The following NRXN2 variants were observed in gnomAD, a reference collection of about 807,000 sequenced individuals.
NRXN2 encodes neurexin-2-beta.
A neutral mutation model predicts 128.8 loss-of-function variants in NRXN2; 29 were observed. That is an observed-to-expected ratio of 0.23 (90% CI 0.17 to 0.31). NRXN2 has a LOEUF of 0.31. Among genes scored for constraint, NRXN2 ranks in the 10% least tolerant of loss-of-function variants. The pLI, the probability that NRXN2 is intolerant of heterozygous loss-of-function variation, is 1.00. For missense variants in NRXN2, 1,881 were observed against 2,452.6 expected (o/e 0.77, Z 4.92); for synonymous variants, 1,098 against 1,075.2 (o/e 1.02, Z -0.41).
intron 4 of NRXN2, among the ~76,000 whole-genome samples, chr11:64,692,264 G>A (rs1405030345): frequency 6.6e-6 from 1 of 152,172 alleles, no homozygotes; most frequent in African/African-American, 2.4e-5. Context: ...GCGTGCGGGT[G>A]GGCAGGGGGT....
At chr11:64,694,452 GC>G (rs2054228558) in intron 3 of NRXN2, among the ~76,000 whole-genome samples, 1 of 152,234 alleles carries the variant, frequency 6.6e-6, no homozygotes. Flanking sequence ...ATGGCCAGGG[GC>G]CAAAGGCCTG....
At chr11:64,676,735 G>C (rs753917692) in intron 7 of NRXN2, 2 of 572,104 alleles carry the variant, frequency 3.5e-6, no homozygotes, top group Non-Finnish European at 6.2e-6. Flanking sequence ...CAGGAGTTAG[G>C]GATTACAGCA....
At chr11:64,704,623 CAGAGAGAGAGAGAGAG>C (rs61394963) in intron 2 of NRXN2, among the ~76,000 whole-genome samples, 106 of 81,182 alleles carry the variant, frequency 1.3e-3, no homozygotes, top group East Asian at 3.9e-3. Flanking sequence ...CACACACACA[CAGAGAGAGAGAGAGAG>C]AGAGAGAGAG....
chr11:64,694,279 C>G (rs1422606139), intron 3 of NRXN2, among the ~76,000 whole-genome samples: 2 of 152,216 alleles, frequency 1.3e-5, no homozygotes, highest in Admixed American at 1.3e-4. Flanking sequence ...CCCTTGGAAA[C>G]CAGCCCCACT....
chr11:64,706,216 C>T (rs1381444853), intron 2 of NRXN2, among the ~76,000 whole-genome samples: 3 of 80,130 alleles, frequency 3.7e-5, no homozygotes, highest in Non-Finnish European at 7.3e-5. Flanking sequence ...TACATGTGCA[C>T]AATGTGCAGG....
intron 6 of NRXN2, among the ~76,000 whole-genome samples, chr11:64,683,607 G>A (rs1268826185): frequency 2.8e-5 from 4 of 144,738 alleles, no homozygotes; most frequent in African/African-American, 7.9e-5. Flanking sequence ...GCAACAGAGT[G>A]AGACTCCATC....
Position 64,685,754 on chromosome 11 carries a change from C to T in NRXN2, c.1044G>A (p.Leu348=). ...NLSLKSGAVW[L]VINLGSGAFE... ...AGGCACCTGAGCCTAGGTTGATGAC[C>T]AGCCAGACAGCCCCAGACTTGAGGG... The change falls in exon 6 of 23, where the codon CTG becomes CTA. Residue 348 remains leucine (L), a synonymous_variant. Coordinates refer to ENST00000265459, the MANE Select transcript of NRXN2 (RefSeq NM_015080.4). 2.5e-6 allele frequency: 4 copies of T among 1,614,246 alleles called. No homozygotes were observed. Among genetic ancestry groups the T allele is most frequent in the Non-Finnish European group, 2.5e-6 (3 of 1,180,050 alleles).
At chr11:64,690,350 T>A in intron 5 of NRXN2, 55 bp downstream of exon 5, 1 of 1,527,880 alleles carries the variant, frequency 6.5e-7, no homozygotes, top group Non-Finnish European at 9.0e-7. Flanking sequence ...GGAAGCACAG[T>A]TAGCCTGCAG....
chr11:64,689,122 G>A (rs1032016196), intron 5 of NRXN2, among the ~76,000 whole-genome samples: 1 of 152,080 alleles, frequency 6.6e-6, no homozygotes, highest in Non-Finnish European at 1.5e-5. Context: ...ACCTCAGAAA[G>A]AGAAAGGGTG....
At position 64,644,734 on chromosome 11, in the gene NRXN2, G is replaced by A. The variant is rs71579875; in HGVS notation, c.3403+3485C>T. Among the ~76,000 whole-genome samples, 748 of 152,122 alleles carry A rather than the reference G, an allele frequency of 4.9e-3. 2 individuals carry two copies. Among genetic ancestry groups the A allele is most frequent in the Non-Finnish European group, 7.2e-3 (488 of 67,988 alleles). On this transcript the variant is annotated intron_variant, in intron 17 of 22. Coordinates refer to ENST00000265459, the MANE Select transcript of NRXN2 (RefSeq NM_015080.4). ...GGGGGAGCTGAAGAAACAGTGCAGCGGAGTGAGGAGGAGGGCTGGGTAAGG... is the reference window on the plus strand; with the variant it reads ...GGGGGAGCTGAAGAAACAGTGCAGCAGAGTGAGGAGGAGGGCTGGGTAAGG...
rs775220563 is a variant in NRXN2 at position 64,660,369 on chromosome 11, C to A, written c.2352G>T (p.Glu784Asp). 3 of 1,614,122 alleles carry A rather than the reference C, an allele frequency of 1.9e-6. No individual in the cohort carries two copies. The South Asian group carries it at 3.3e-5, about 18-fold the overall frequency. Residue 784 changes from glutamate to aspartate, a missense_variant, in exon 11 of 23, where the codon GAG (glutamate) becomes GAT (aspartate). By Grantham distance (45) the Glu-to-Asp change is conservative. This residue lies in a region of NRXN2 where 997 missense variants were observed against 1,240.8 expected (regional missense o/e 0.80). Transcript: ENST00000265459. The surrounding 1 kb of genome is among the most constrained non-coding windows in gnomAD (Gnocchi z 5.2). ...SRESADTLRL[E>D]LDGGQMKLTV... The stretch of plus-strand genomic sequence containing the variant: ...TGAGCTTCATCTGCCCCCCATCCAG[C>A]TCCAGGCGTAGGGTGTCGGCAGACT...
chr11:64,715,809 T>G (rs547209067), intron 1 of NRXN2, among the ~76,000 whole-genome samples: 12 of 151,986 alleles, frequency 7.9e-5, no homozygotes, highest in Non-Finnish European at 1.6e-4. Context: ...CACTGTCGGG[T>G]TATATATAGC....
At chr11:64,614,107 AAG>A (rs1455938613) in intron 22 of NRXN2, among the ~76,000 whole-genome samples, 1 of 152,324 alleles carries the variant, frequency 6.6e-6, no homozygotes, top group South Asian at 2.1e-4. Flanking sequence ...TGCATCCCAC[AAG>A]AGTCAGAAGA....
rs146749628 is a variant in NRXN2, at chr11:64,608,452, A to G, written c.4253-370T>C. Among the ~76,000 whole-genome samples, 306 of 150,610 alleles carry G rather than the reference A, an allele frequency of 2.0e-3. 1 individual carries two copies. Among genetic ancestry groups the G allele is most frequent in the African/African-American group, 7.0e-3 (288 of 41,030 alleles). ...CAGCATTTAAACAAACCTAACAACA[A>G]TATCTTTTAGGGTTTTTTTTCTAGA... On this transcript the variant is annotated intron_variant, in intron 22 of 22. Transcript: ENST00000265459.
rs775008130 is a variant in NRXN2, at chr11:64,607,940, C to T, written c.4395G>A (p.Pro1465=). The part of the protein sequence containing the change: ...GVGATQDTLP[P]PAARRPPSGG... The stretch of plus-strand genomic sequence containing the variant: ...CAGAGGGCGGGCGGCGCGCGGCGGG[C>T]GGGGGCAGCGTGTCTTGGGTGGCGC... The change falls in exon 23 of 23, where the codon CCG becomes CCA. Residue 1465 remains proline, a synonymous_variant. Coordinates refer to ENST00000265459, the MANE Select transcript of NRXN2 (RefSeq NM_015080.4). 49 of 1,232,528 alleles carry T rather than the reference C, an allele frequency of 4.0e-5. No individual in the cohort carries two copies. The highest frequency in any genetic ancestry group is 1.5e-4 in the South Asian group (11 of 72,322). The allele number at this position is 1,232,528 out of a possible 1,614,324, so 76.3% of individuals were successfully genotyped here.
chr11:64,630,418 G>T lies in NRXN2; in HGVS notation c.3741C>A (p.Asn1247Lys), dbSNP rs2043732704. 6.2e-7 allele frequency: 1 copy of T among 1,612,248 alleles called. No individual in the cohort carries two copies. The highest frequency in any genetic ancestry group is 1.1e-5 in the South Asian group (1 of 91,056). Reference sequence around the variant, plus strand: ...GCCGCCTACCTGCCGGGTACCGCTCGTTGACCGGCCAGCTGTCCACCTGCA... The same window carrying T: ...GCCGCCTACCTGCCGGGTACCGCTCTTTGACCGGCCAGCTGTCCACCTGCA... The part of the protein sequence containing the change: ...ATLQVDSWPV[N>K]ERYPAGNFDN... Residue 1247 changes from asparagine to lysine, a missense_variant, in exon 19 of 23, where the codon AAC becomes AAA. Physicochemically the swap from Asn to Lys is moderately conservative, Grantham distance 94. Around this residue, in one of 7 missense-constraint regions of NRXN2, gnomAD observed 390 missense variants for 599.6 expected, o/e 0.65. Transcript: ENST00000265459. The surrounding 1 kb of genome is among the most constrained non-coding windows in gnomAD (Gnocchi z 4.6).
chr11:64,610,803 C>T (rs975262670), intron 22 of NRXN2, among the ~76,000 whole-genome samples: 3 of 152,188 alleles, frequency 2.0e-5, no homozygotes, highest in Admixed American at 6.5e-5. Context: ...GCCTCTCGAG[C>T]GGTCGTAACC....
At chr11:64,700,941 C>A (rs567097066) in intron 2 of NRXN2, among the ~76,000 whole-genome samples, 1 of 152,320 alleles carries the variant, frequency 6.6e-6, no homozygotes, top group Admixed American at 6.5e-5. Context: ...AGCACCTGCT[C>A]CTTTTGTCAG....
intron 11 of NRXN2, among the ~76,000 whole-genome samples, chr11:64,657,600 T>TA (rs1051764987): frequency 4.6e-5 from 7 of 151,660 alleles, no homozygotes; most frequent in Non-Finnish European, 8.8e-5. Flanking sequence ...TTTTAAAGAT[T>TA]AAAAAAAAGA....
Sources: gnomAD v4.1 joint callset for allele counts (sites outside exome capture counted in the v4.1 genomes callset) on GRCh38, gnomAD v4.1.1 for gene constraint, gnomAD v4.1.1 regional missense constraint, Gnocchi (gnomAD v3.1) non-coding constraint, MANE v1.5 for transcripts, NCBI Gene and HGNC (gene_info 2026-07-23, HGNC 2026-07-21) for gene names.